Variants in NBPF12 observed in about 807,000 individuals in gnomAD.
The protein encoded by NBPF12 is NBPF member 12.
In NBPF12, 115 loss-of-function variants were observed where a neutral mutation model predicts 146.4. The ratio of observed to expected loss-of-function variants is 0.79; its 90% CI spans 0.68 to 0.92. The LOEUF is 0.92. NBPF12 is among the 40% of genes least tolerant of loss of function. The pLI is 0.00. For synonymous variants in NBPF12, 385 were observed against 508.9 expected (o/e 0.76, Z 3.28); for missense variants, 1,205 against 1,326.8 (o/e 0.91, Z 1.43).
In NBPF12 at chr1:146,942,866, A is replaced by G. The variant is rs1377596327; in HGVS notation, c.-821-425A>G. Among the ~76,000 whole-genome samples the G allele has an allele frequency of 8.7e-5, 13 of 150,036 alleles. 1 individual carries two copies. The highest frequency in any genetic ancestry group is 3.2e-4 in the African/African-American group (13 of 40,350). On this transcript the variant is annotated intron_variant, in intron 1 of 35. Coordinates refer to the NBPF12 transcript ENST00000617931. The stretch of plus-strand genomic sequence containing the variant: ...AAGAATCGAATTCTTGTTCACTAAG[A>G]TCTACCTCAAATATTCCTTACTTTA...
chr1:146,954,882 C>G (rs1177489678), intron 2 of NBPF12, among the ~76,000 whole-genome samples: 1 of 80,622 alleles, frequency 1.2e-5, no homozygotes, highest in African/African-American at 4.2e-5. Context: ...TATACACACC[C>G]ACACACACAC....
At chr1:146,981,597 G>T (rs1200919632) in intron 19 of NBPF12, among the ~76,000 whole-genome samples, 35 of 151,662 alleles carry the variant, frequency 2.3e-4, no homozygotes, top group Non-Finnish European at 1.6e-4. Context: ...TTGAATGTTG[G>T]CCTTCCTTGT....
intron 31 of NBPF12, among the ~76,000 whole-genome samples, chr1:146,992,467 TG>T (rs1658248434): frequency 1.7e-4 from 11 of 64,260 alleles, no homozygotes; most frequent in Non-Finnish European, 2.5e-4. Context: ...TCTCTCTGTG[TG>T]TGTGTGTGTG....
chr1:146,989,898 A>C (rs1168961501), intron 28 of NBPF12, among the ~76,000 whole-genome samples, 152 bp downstream of exon 31: 1 of 147,330 alleles, frequency 6.8e-6, no homozygotes, highest in African/African-American at 2.5e-5. Context: ...CTCTAGTTCC[A>C]CTTGGAAGCC....
At chr1:146,949,562 G>A (rs1198410968) in intron 1 of NBPF12, 140 bp downstream of exon 4, 1 of 126,856 alleles carries the variant, frequency 7.9e-6, no homozygotes, top group Non-Finnish European at 1.6e-5. Context: ...TTCTCTCGCT[G>A]CCTATTATCA....
At chr1:146,950,998 G>A (rs1357610823) in intron 1 of NBPF12, among the ~76,000 whole-genome samples, 1 of 152,010 alleles carries the variant, frequency 6.6e-6, no homozygotes, top group Non-Finnish European at 1.5e-5. Context: ...TTTTCCCAAA[G>A]TGTTTATACT....
At chr1:146,969,310 T>A (rs1656425160) in intron 10 of NBPF12, 72 bp from the exon 14 acceptor site, 2 of 690,916 alleles carry the variant, frequency 2.9e-6, no homozygotes, top group Admixed American at 2.4e-5. Context: ...GTCTCAGAAA[T>A]CTCTGTTGCA....
In NBPF12 at chr1:146,994,331, G is replaced by C. The variant is rs782790521; in HGVS notation, c.4131-1G>C. 1 of 1,611,506 alleles carries C rather than the reference G, an allele frequency of 6.2e-7. No individual in the cohort carries two copies. Among genetic ancestry groups the C allele is most frequent in the Admixed American group, 1.7e-5 (1 of 59,986 alleles). On this transcript the variant is annotated splice_acceptor_variant, in intron 33 of 33. Coordinates refer to ENST00000617844, the Ensembl canonical transcript of NBPF12. LOFTEE classifies it high-confidence loss of function. ...TTCTTTAGTTTTGTCTCCTTTTCCAGGCTCAACAGCGTGCTGATGGAAGTG... is the reference window on the plus strand; with the variant it reads ...TTCTTTAGTTTTGTCTCCTTTTCCACGCTCAACAGCGTGCTGATGGAAGTG...
intron 2 of NBPF12, among the ~76,000 whole-genome samples, chr1:146,959,145 C>CA (rs1236697203): frequency 0.025 from 2,562 of 100,920 alleles, 163 homozygotes; most frequent in African/African-American, 0.033. Context: ...GGGAAAAACA[C>CA]AATCAAACAA....
intron 14 of NBPF12, among the ~76,000 whole-genome samples, chr1:146,974,144 GT>G (rs1656840631): frequency 6.7e-6 from 1 of 149,640 alleles, no homozygotes; most frequent in Non-Finnish European, 1.5e-5. Flanking sequence ...TCATTCTGCT[GT>G]TTCTAAATTA....
chr1:146,945,568 CAAT>C (rs1655014708), upstream of NBPF12, among the ~76,000 whole-genome samples: 1 of 151,336 alleles, frequency 6.6e-6, no homozygotes. Flanking sequence ...ACTAACCAAA[CAAT>C]AACAGGATGC....
Position 146,965,039 on chromosome 1 carries a change from C to G in NBPF12, c.713C>G (p.Ser238Ter). 4 of 1,608,646 alleles carry G rather than the reference C, an allele frequency of 2.5e-6. No homozygotes were observed. Among genetic ancestry groups the G allele is most frequent in the Non-Finnish European group, 3.4e-6 (4 of 1,178,842 alleles). ...ACATTTGAGGAAGACAAAGTCAACT[C>G]AACTGTGGTTGTAGACAGAAAATCC... is the stretch of plus-strand genomic sequence containing the variant. The change falls in exon 8 of 34, where the codon TCA (serine) becomes TGA (stop). Residue 238 changes from serine (S) to a stop codon, truncating the protein, a stop_gained. Transcript: ENST00000617844. LOFTEE classifies it high-confidence loss of function.
chr1:146,970,032 T>G (rs1416881151), intron 11 of NBPF12, among the ~76,000 whole-genome samples: 117,268 of 147,660 alleles, frequency 0.79, 47,534 homozygotes, highest in East Asian at 1. Flanking sequence ...ATTGTCTCTT[T>G]CAAGGGTCTG....
At chr1:146,946,134 A>C (rs1385338824), upstream of NBPF12, among the ~76,000 whole-genome samples, 416 of 150,154 alleles carry the variant, frequency 2.8e-3, 5 homozygotes, top group African/African-American at 9.8e-3. Flanking sequence ...TTGTAAAATC[A>C]CTGAATCAGA....
chr1:146,963,272 T>C (rs1213317297), exon 6 of NBPF12: 2 of 1,611,674 alleles, frequency 1.2e-6, no homozygotes, highest in East Asian at 2.2e-5. Flanking sequence ...CTGAGGGGTG[T>C]AGACTGGCAC....
chr1:146,980,603 G>T (rs1657310581), intron 19 of NBPF12, among the ~76,000 whole-genome samples: 1 of 151,916 alleles, frequency 6.6e-6, no homozygotes, highest in African/African-American at 2.4e-5. Flanking sequence ...GAAATTCTTG[G>T]TTGAAAATTC....
chr1:146,961,015 G>A (rs1317653730), intron 4 of NBPF12, among the ~76,000 whole-genome samples: 4 of 151,992 alleles, frequency 2.6e-5, no homozygotes, highest in South Asian at 2.1e-4. Flanking sequence ...GCGTCGTGGC[G>A]GGCAACTGTA....
intron 13 of NBPF12, among the ~76,000 whole-genome samples, chr1:146,972,021 G>A (rs1339708324): frequency 1.4e-5 from 2 of 147,472 alleles, no homozygotes; most frequent in Admixed American, 1.3e-4. Flanking sequence ...CCAGGAACCG[G>A]ATCTTGCAGT....
chr1:146,954,959 C>A (rs1655509362), intron 2 of NBPF12, among the ~76,000 whole-genome samples: 1 of 89,832 alleles, frequency 1.1e-5, no homozygotes, highest in African/African-American at 4.0e-5. Flanking sequence ...ATTATCATCT[C>A]CAAATAGGGA....
Sources: allele counts gnomAD v4.1 joint callset (sites outside exome capture counted in the v4.1 genomes callset), GRCh38; gene constraint gnomAD v4.1.1; transcripts MANE v1.5; gene names NCBI Gene and HGNC (gene_info 2026-07-23, HGNC 2026-07-21).